The following TFAP2E variants were observed in gnomAD, a reference collection of about 807,000 sequenced individuals.
The protein encoded by TFAP2E is transcription factor AP-2 epsilon, also known as transcription factor AP-2-epsilon.
In TFAP2E, 30 loss-of-function variants were observed where a neutral mutation model predicts 37.9. The observed-to-expected ratio is 0.79, with a 90% CI of 0.59 to 1.07. TFAP2E has a LOEUF of 1.07. Ranked by LOEUF, TFAP2E falls within the 50% of genes least tolerant of loss-of-function variation. The pLI is 0.00. For synonymous variants in TFAP2E, 318 were observed against 295.8 expected (o/e 1.08, Z -0.77); for missense variants, 567 against 637.9 (o/e 0.89, Z 1.20).
intron 3 of TFAP2E, among the ~76,000 whole-genome samples, chr1:35,576,896 G>T (rs889381205): frequency 1.3e-5 from 2 of 151,912 alleles, no homozygotes; most frequent in African/African-American, 4.8e-5. Context: ...ACAACCGCGC[G>T]GGACGGGGCC....
rs1165364388 is a variant in TFAP2E, at chr1:35,590,313, G to T, written c.904+265G>T. On this transcript the variant is annotated intron_variant, in intron 5 of 6. Transcript: ENST00000373235. The surrounding 1 kb of genome is among the most constrained non-coding windows in gnomAD (Gnocchi z 6.2). ...ATGTGGGTGTGGGTGTGGGTGTGTGGGTGTGTGTGTTGGCGGGGAGTGGCC... is the reference window on the plus strand; with the variant it reads ...ATGTGGGTGTGGGTGTGGGTGTGTGTGTGTGTGTGTTGGCGGGGAGTGGCC... Among the ~76,000 whole-genome samples the T allele has an allele frequency of 1.3e-5, 2 of 151,888 alleles. No homozygotes were observed. The highest frequency in any genetic ancestry group is 2.9e-5 in the Non-Finnish European group (2 of 67,966).
At position 35,588,226 on chromosome 1, in the gene TFAP2E, A is replaced by G; in HGVS notation, c.563-104A>G. The stretch of plus-strand genomic sequence containing the variant: ...AACTTGGGCGAGTCACTTTCACCTC[A>G]CTGTGGCTCAGTTTCTCCCTTCATA... On this transcript the variant is annotated intron_variant, in intron 3 of 6. Transcript: ENST00000373235. This position sits in a 1 kb window ranked among gnomAD's most constrained non-coding sequence, Gnocchi z 5.1. The G allele has an allele frequency of 8.4e-7, 1 of 1,189,004 alleles. No individual in the cohort carries two copies. Among genetic ancestry groups the G allele is most frequent in the Non-Finnish European group, 1.2e-6 (1 of 860,218 alleles). The allele number at this position is 1,189,004 out of a possible 1,614,324, so 73.7% of individuals were successfully genotyped here. A position where few individuals can be genotyped will look rare whatever the true frequency, so the allele number is the denominator to read the frequency against.
chr1:35,577,631 C>G lies in TFAP2E; in HGVS notation c.562+2631C>G, dbSNP rs1649218636. The G allele has an allele frequency of 3.0e-6, 1 of 336,696 alleles. No individual in the cohort carries two copies. The highest frequency in any genetic ancestry group is 2.2e-5 in the African/African-American group (1 of 46,304). 20.9% of individuals were successfully genotyped at this position (336,696 alleles called of 1,614,324 possible). ...AAAGGGAGGCAGCTGCAGCCTCAGC[C>G]CCACCCCAGAAGCGGCCTTCGCATC... On this transcript the variant is annotated intron_variant, in intron 3 of 6. Coordinates refer to ENST00000373235, the MANE Select transcript of TFAP2E (RefSeq NM_178548.4). This position sits in a 1 kb window ranked among gnomAD's most constrained non-coding sequence, Gnocchi z 6.3.
In TFAP2E at chr1:35,574,337, C is replaced by T. The variant is rs1312507992; in HGVS notation, c.438C>T (p.Gly146=). 4 of 1,445,858 alleles carry T rather than the reference C, an allele frequency of 2.8e-6. No homozygotes were observed. The highest frequency in any genetic ancestry group is 3.0e-5 in the East Asian group (1 of 33,396). 89.6% of individuals were successfully genotyped at this position (1,445,858 alleles called of 1,614,324 possible). The part of the protein sequence containing the change: ...VPRLLHGLAD[G]AHGLADAPLG... ...GGCTCCTGCACGGCCTGGCCGACGG[C>T]GCGCACGGCCTGGCAGACGCACCTC... Residue 146 remains glycine (G), a synonymous_variant, in exon 2 of 7, where the codon GGC becomes GGT. Coordinates refer to ENST00000373235, the MANE Select transcript of TFAP2E (RefSeq NM_178548.4).
chr1:35,587,589 G>A (rs1294826900), intron 3 of TFAP2E, among the ~76,000 whole-genome samples: 3 of 138,732 alleles, frequency 2.2e-5, no homozygotes, highest in Non-Finnish European at 4.5e-5. Context: ...GGTGAGCCGA[G>A]ATGGTACCAC....
Position 35,587,653 on chromosome 1 carries a change from A to AAAAAAAAG in TFAP2E, c.563-674_563-673insAAAAGAAA, listed in dbSNP as rs796133136. On this transcript the variant is annotated intron_variant, in intron 3 of 6. Coordinates refer to ENST00000373235, the MANE Select transcript of TFAP2E (RefSeq NM_178548.4). Reference sequence around the variant, plus strand: ...CTCCATCTCAAAAAAAAAAAAAAAAAAAAGAAAGAAAGAAAGAAAATTAAC... The same window carrying AAAAAAAAG: ...CTCCATCTCAAAAAAAAAAAAAAAAAAAAAAAAGAAAGAAAGAAAGAAAGAAAATTAAC... Among the ~76,000 whole-genome samples the AAAAAAAAG allele has an allele frequency of 4.5e-3, 661 of 147,654 alleles. 9 individuals are homozygous for AAAAAAAAG. Among genetic ancestry groups the AAAAAAAAG allele is most frequent in the East Asian group, 0.028 (137 of 4,882 alleles).
intron 2 of TFAP2E, 129 bp from the exon 3 acceptor site, chr1:35,574,820 C>G: frequency 8.0e-7 from 1 of 1,252,076 alleles, no homozygotes; most frequent in East Asian, 2.3e-5. Context: ...TGGGCCTGCC[C>G]GTCGCCGCCC....
At position 35,574,082 on chromosome 1, in the gene TFAP2E, G is replaced by A; in HGVS notation, c.183G>A (p.Gln61=). The A allele has an allele frequency of 6.8e-7, 1 of 1,477,532 alleles. No homozygotes were observed. The highest frequency in any genetic ancestry group is 8.9e-7 in the Non-Finnish European group (1 of 1,118,354). The allele number at this position is 1,477,532 out of a possible 1,614,324, so 91.5% of individuals were successfully genotyped here. Reference sequence around the variant, plus strand: ...CCTACTTCCCGCCGCCCTACCCGCAGCCACCGCTGCCCTACGGTCAGGCGC... The same window carrying A: ...CCTACTTCCCGCCGCCCTACCCGCAACCACCGCTGCCCTACGGTCAGGCGC... ...QPPYFPPPYP[Q]PPLPYGQAPD... The change falls in exon 2 of 7, where the codon CAG becomes CAA. Residue 61 remains glutamine, a synonymous_variant. Transcript: ENST00000373235.
intron 3 of TFAP2E, among the ~76,000 whole-genome samples, chr1:35,587,388 C>T (rs899893651): frequency 1.3e-5 from 2 of 151,948 alleles, no homozygotes; most frequent in Non-Finnish European, 2.9e-5. Flanking sequence ...GCCTGTAATC[C>T]CAGCACTTTG....
In TFAP2E at chr1:35,573,868, C is replaced by T; in HGVS notation, c.28-59C>T. The T allele has an allele frequency of 1.4e-6, 2 of 1,411,282 alleles. No homozygotes were observed. The highest frequency in any genetic ancestry group is 1.8e-6 in the Non-Finnish European group (2 of 1,091,276). 87.4% of individuals were successfully genotyped at this position (1,411,282 alleles called of 1,614,324 possible). A position where few individuals can be genotyped will look rare whatever the true frequency, so the allele number is the denominator to read the frequency against. ...CCTCCCGAGCTGAGGAGGATCCTTT[C>T]AGGCTGGGGTCCTTTCAGCTGCCAG... On this transcript the variant is annotated intron_variant, in intron 1 of 6. Transcript: ENST00000373235. This position sits in a 1 kb window ranked among gnomAD's most constrained non-coding sequence, Gnocchi z 5.9.
intron 3 of TFAP2E, among the ~76,000 whole-genome samples, chr1:35,585,542 T>C (rs1256587991): frequency 6.6e-6 from 1 of 152,186 alleles, no homozygotes; most frequent in Non-Finnish European, 1.5e-5. Context: ...CTAGTCTGAA[T>C]TGAGATGCGC....
Position 35,577,588 on chromosome 1 carries a change from G to T in TFAP2E, c.562+2588G>T. 1 of 375,164 alleles carries T rather than the reference G, an allele frequency of 2.7e-6. No individual in the cohort carries two copies. The highest frequency in any genetic ancestry group is 1.9e-5 in the South Asian group (1 of 53,748). The allele number at this position is 375,164 out of a possible 1,614,324, so 23.2% of individuals were successfully genotyped here. A position where few individuals can be genotyped will look rare whatever the true frequency, so the allele number is the denominator to read the frequency against. On this transcript the variant is annotated intron_variant, in intron 3 of 6. Coordinates refer to ENST00000373235, the MANE Select transcript of TFAP2E (RefSeq NM_178548.4). The surrounding 1 kb of genome is among the most constrained non-coding windows in gnomAD (Gnocchi z 6.3). ...GGGAGCGGCGGCTGCGTCGCTGAAG[G>T]TTGGGGTCCTTGGTGCGAAAGGGAG...
At chr1:35,575,771 C>T (rs1375983982) in intron 3 of TFAP2E, among the ~76,000 whole-genome samples, 2 of 152,176 alleles carry the variant, frequency 1.3e-5, no homozygotes, top group African/African-American at 4.8e-5. Context: ...TTGTGTCCTG[C>T]ACTTTGTTCT....
In TFAP2E at chr1:35,573,350, G is replaced by A; in HGVS notation, c.-228G>A. 4.2e-6 allele frequency: 2 copies of A among 473,844 alleles called. No individual in the cohort carries two copies. Among genetic ancestry groups the A allele is most frequent in the South Asian group, 4.7e-5 (1 of 21,384 alleles). The allele number at this position is 473,844 out of a possible 1,614,324, so 29.4% of individuals were successfully genotyped here. On this transcript the variant is annotated 5_prime_UTR_variant, in exon 1 of 7. Transcript: ENST00000373235. The surrounding 1 kb of genome is among the most constrained non-coding windows in gnomAD (Gnocchi z 5.9). ...GGCGGGCGCTGGGCACCCGTTGACC[G>A]ACTTTTCCAAGTGCGATCAGTGCCC...
At chr1:35,575,836 G>C (rs1649153080) in intron 3 of TFAP2E, among the ~76,000 whole-genome samples, 1 of 152,214 alleles carries the variant, frequency 6.6e-6, no homozygotes, top group Admixed American at 6.5e-5. Flanking sequence ...ATATATAGGA[G>C]TATTTATGTG....
At position 35,573,625 on chromosome 1, in the gene TFAP2E, G is replaced by A. The variant is rs1447354511; in HGVS notation, c.27+21G>A. 4 of 1,538,782 alleles carry A rather than the reference G, an allele frequency of 2.6e-6. No individual in the cohort carries two copies. In the East Asian group the frequency reaches 7.6e-5, roughly 29 times the overall value. On this transcript the variant is annotated intron_variant, in intron 1 of 6. Transcript: ENST00000373235. This position sits in a 1 kb window ranked among gnomAD's most constrained non-coding sequence, Gnocchi z 5.9. Reference sequence around the variant, plus strand: ...CCATGGTGAGTAGTCTCGGGCCCGGGACATATTCGGCCGGGGGATCGGGGC... The same window carrying A: ...CCATGGTGAGTAGTCTCGGGCCCGGAACATATTCGGCCGGGGGATCGGGGC...
chr1:35,575,382 C>T (rs941907026), intron 3 of TFAP2E, among the ~76,000 whole-genome samples: 6 of 152,282 alleles, frequency 3.9e-5, no homozygotes, highest in African/African-American at 1.4e-4. Flanking sequence ...TTTCACTTTA[C>T]AGTGCCTTAG....
At position 35,573,989 on chromosome 1, in the gene TFAP2E, G is replaced by C. The variant is rs1262599988; in HGVS notation, c.90G>C (p.Ala30=). The change falls in exon 2 of 7, where the codon GCG becomes GCC. Residue 30 remains alanine (A), a synonymous_variant. Transcript: ENST00000373235. This position sits in a 1 kb window ranked among gnomAD's most constrained non-coding sequence, Gnocchi z 5.9. ...GGARLSSLPQ[A]AYGPAPPLCH... ...CCCGCCTGTCGTCTCTGCCCCAGGC[G>C]GCCTACGGGCCGGCGCCCCCGCTCT... 2.0e-6 allele frequency: 3 copies of C among 1,481,784 alleles called. No homozygotes were observed. Among genetic ancestry groups the C allele is most frequent in the Non-Finnish European group, 2.7e-6 (3 of 1,126,556 alleles). 91.8% of individuals were successfully genotyped at this position (1,481,784 alleles called of 1,614,324 possible).
chr1:35,576,945 AGCGG>A (rs1649193146), intron 3 of TFAP2E, among the ~76,000 whole-genome samples: 1 of 50,308 alleles, frequency 2.0e-5, no homozygotes, highest in Non-Finnish European at 4.2e-5. Context: ...CCCCAGCGCC[AGCGG>A]GACCCCAGCG....
Sources: allele counts gnomAD v4.1 joint callset (sites outside exome capture counted in the v4.1 genomes callset), GRCh38; gene constraint gnomAD v4.1.1; non-coding constraint Gnocchi (gnomAD v3.1); transcripts MANE v1.5; gene names NCBI Gene and HGNC (gene_info 2026-07-23, HGNC 2026-07-21).